SGCZ: variants seen among roughly 807,000 people sequenced by gnomAD.
SGCZ encodes the protein sarcoglycan zeta, also known as zeta-sarcoglycan.
SGCZ carries 40 observed loss-of-function variants against 41.3 expected under a neutral mutation model. The ratio of observed to expected loss-of-function variants is 0.97; its 90% CI spans 0.75 to 1.26. The LOEUF (loss-of-function observed/expected upper bound fraction) is 1.26, where lower values mean the gene tolerates loss of function less well. Ranked by LOEUF, SGCZ falls within the 50% of genes most tolerant of loss-of-function variation. SGCZ has a pLI of 0.00. For synonymous variants in SGCZ, 206 were observed against 137.5 expected (o/e 1.50, Z -3.49); for missense variants, 552 against 369.8 (o/e 1.49, Z -4.04).
chr8:14,603,609 A>T (rs1805659602), intron 1 of SGCZ, among the ~76,000 whole-genome samples: 1 of 152,200 alleles, frequency 6.6e-6, no homozygotes, highest in Non-Finnish European at 1.5e-5. Context: ...AAAAATTTAA[A>T]CTTTCATATA....
intron 5 of SGCZ, among the ~76,000 whole-genome samples, chr8:14,129,193 A>AT (rs1242810868): frequency 1.3e-5 from 2 of 151,432 alleles, no homozygotes; most frequent in African/African-American, 4.9e-5. Flanking sequence ...TAAAAATACA[A>AT]AAAAAAGCTG....
At chr8:15,109,987 A>T (rs62499772) in intron 1 of SGCZ, among the ~76,000 whole-genome samples, 9,224 of 152,276 alleles carry the variant, frequency 0.061, 293 homozygotes, top group Middle Eastern at 0.12. Flanking sequence ...TTTAAAAATA[A>T]AGGATTGCAT....
At chr8:14,314,196 C>G (rs1801642001) in intron 3 of SGCZ, among the ~76,000 whole-genome samples, 1 of 152,050 alleles carries the variant, frequency 6.6e-6, no homozygotes, top group Non-Finnish European at 1.5e-5. Context: ...CAAAGAATGT[C>G]GCACCTCTGC....
At chr8:14,180,306 G>C (rs977367253) in intron 4 of SGCZ, among the ~76,000 whole-genome samples, 6 of 152,154 alleles carry the variant, frequency 3.9e-5, no homozygotes, top group Non-Finnish European at 7.3e-5. Flanking sequence ...ACAAAGGAGT[G>C]TCCTGATCAC....
chr8:14,094,834 G>T (rs546571123), intron 7 of SGCZ, among the ~76,000 whole-genome samples: 2 of 152,204 alleles, frequency 1.3e-5, no homozygotes, highest in South Asian at 2.1e-4. Flanking sequence ...CATTCTAACT[G>T]GCGTGAGATG....
rs373616552 is a variant in SGCZ at position 14,862,504 on chromosome 8, G to A, written c.40-307578C>T. Among the ~76,000 whole-genome samples, 71 of 130,570 alleles carry A rather than the reference G, an allele frequency of 5.4e-4. 1 individual carries two copies. Among genetic ancestry groups the A allele is most frequent in the Middle Eastern group, 5.8e-3 (1 of 172 alleles). The allele number at this position is 130,570 out of a possible 152,430, so 85.7% of individuals were successfully genotyped here. On this transcript the variant is annotated intron_variant, in intron 1 of 7. Coordinates refer to ENST00000382080, the MANE Select transcript of SGCZ (RefSeq NM_139167.4). ...AGAAATGAGACCAAATTTCCAAGTC[G>A]CCTTTTATGAAACAAAAATTGCATC...
At chr8:14,919,777 G>C (rs1439393214) in intron 1 of SGCZ, among the ~76,000 whole-genome samples, 3 of 151,950 alleles carry the variant, frequency 2.0e-5, no homozygotes, top group African/African-American at 7.3e-5. Flanking sequence ...AATTAGCCAG[G>C]CATGGTGGTG....
At chr8:14,428,800 C>T (rs936717153) in intron 2 of SGCZ, among the ~76,000 whole-genome samples, 6 of 152,132 alleles carry the variant, frequency 3.9e-5, no homozygotes, top group Admixed American at 3.9e-4. Context: ...TTATTGATTT[C>T]CTGCACATGG....
At chr8:15,167,777 A>G (rs1214681366) in intron 1 of SGCZ, among the ~76,000 whole-genome samples, 3 of 152,158 alleles carry the variant, frequency 2.0e-5, no homozygotes, top group East Asian at 1.9e-4. Flanking sequence ...GTTTTTGCCT[A>G]TATTTTAGGC....
At chr8:14,963,807 A>G (rs1801043711) in intron 1 of SGCZ, among the ~76,000 whole-genome samples, 1 of 152,210 alleles carries the variant, frequency 6.6e-6, no homozygotes, top group Non-Finnish European at 1.5e-5. Flanking sequence ...AAGACTGTTT[A>G]TTCCTCTGTA....
intron 1 of SGCZ, among the ~76,000 whole-genome samples, chr8:14,933,298 A>C (rs746357154): frequency 8.6e-5 from 13 of 152,036 alleles, no homozygotes; most frequent in Non-Finnish European, 1.9e-4. Context: ...TTGAAGGTTC[A>C]TGCAGACAGA....
chr8:14,510,512 C>A (rs760026849), intron 2 of SGCZ, among the ~76,000 whole-genome samples: 1 of 151,982 alleles, frequency 6.6e-6, no homozygotes, highest in African/African-American at 2.4e-5. Flanking sequence ...CCTTGATGAT[C>A]TACTGGTAAG....
chr8:14,600,855 C>T (rs959751216), intron 1 of SGCZ, among the ~76,000 whole-genome samples: 1 of 151,092 alleles, frequency 6.6e-6, no homozygotes, highest in African/African-American at 2.4e-5. Context: ...GAACCCACCA[C>T]TTTACTTAGA....
intron 1 of SGCZ, among the ~76,000 whole-genome samples, chr8:14,738,443 G>A (rs1163794155): frequency 2.0e-5 from 3 of 151,946 alleles, no homozygotes; most frequent in Non-Finnish European, 2.9e-5. Context: ...AGACCCAACT[G>A]ATTAAAAAAA....
intron 1 of SGCZ, among the ~76,000 whole-genome samples, chr8:14,982,297 A>G (rs1050300899): frequency 3.3e-5 from 5 of 152,222 alleles, no homozygotes; most frequent in African/African-American, 1.2e-4. Flanking sequence ...CATATTGCCA[A>G]GTCCGTGGAG....
intron 2 of SGCZ, among the ~76,000 whole-genome samples, chr8:14,443,476 G>A (rs1185226558): frequency 2.0e-5 from 3 of 152,014 alleles, no homozygotes; most frequent in South Asian, 2.1e-4. Flanking sequence ...TAGATCAATG[G>A]AACAGAACAG....
chr8:14,895,112 A>G (rs1262118441), intron 1 of SGCZ, among the ~76,000 whole-genome samples: 1 of 152,206 alleles, frequency 6.6e-6, no homozygotes, highest in African/African-American at 2.4e-5. Flanking sequence ...AATTAAACTA[A>G]GGAAATATGT....
In SGCZ at chr8:14,983,476, C is replaced by T. The variant is rs188655325; in HGVS notation, c.39+254109G>A. 2.8e-3 allele frequency among the ~76,000 whole-genome samples: 430 copies of T among 152,070 alleles called. 1 individual carries two copies. Among genetic ancestry groups the T allele is most frequent in the African/African-American group, 8.9e-3 (369 of 41,494 alleles). Reference sequence around the variant, plus strand: ...CTCACTGCAAACTCTACCTCCTGGGCTTGAGTGGTCCTCCCACCTCAGCCT... The same window carrying T: ...CTCACTGCAAACTCTACCTCCTGGGTTTGAGTGGTCCTCCCACCTCAGCCT... On this transcript the variant is annotated intron_variant, in intron 1 of 7. Coordinates refer to ENST00000382080, the MANE Select transcript of SGCZ (RefSeq NM_139167.4).
intron 2 of SGCZ, among the ~76,000 whole-genome samples, chr8:14,326,590 T>C (rs1005735911): frequency 2.0e-5 from 3 of 152,122 alleles, no homozygotes; most frequent in Non-Finnish European, 4.4e-5. Flanking sequence ...GTGAAGAAAT[T>C]TGTTCCTTGA....
Sources: gnomAD v4.1 joint callset for allele counts (sites outside exome capture counted in the v4.1 genomes callset) on GRCh38, gnomAD v4.1.1 for gene constraint, MANE v1.5 for transcripts, NCBI Gene and HGNC (gene_info 2026-07-23, HGNC 2026-07-21) for gene names.